POPDC1: variants seen among roughly 807,000 people sequenced by gnomAD.
POPDC1 encodes the protein popeye domain cAMP effector 1.
At chr6:105,113,169 C>T in the POPDC1 span, among the ~76,000 whole-genome samples, 2 of 151,944 alleles carry the variant, frequency 1.3e-5, no homozygotes, top group Non-Finnish European at 2.9e-5. Context: ...TGGGCTCAAG[C>T]GATCCTCCAG....
At chr6:105,122,498 A>G in the POPDC1 span, among the ~76,000 whole-genome samples, 1 of 152,198 alleles carries the variant, frequency 6.6e-6, no homozygotes, top group African/African-American at 2.4e-5. Flanking sequence ...TCCAGAAAAG[A>G]TAGTATATTA....
the POPDC1 span, among the ~76,000 whole-genome samples, chr6:105,101,935 C>T: frequency 6.6e-6 from 1 of 152,178 alleles, no homozygotes; most frequent in Admixed American, 6.5e-5. Context: ...TAATGGATAC[C>T]ATGCTTGATG....
At chr6:105,115,928 A>T in the POPDC1 span, 4 of 1,158,396 alleles carry the variant, frequency 3.5e-6, no homozygotes, top group Middle Eastern at 3.1e-4. Flanking sequence ...TAGTGCATTT[A>T]AAAAAAAGAA....
At chr6:105,111,534 A>G in the POPDC1 span, among the ~76,000 whole-genome samples, 52 of 152,326 alleles carry the variant, frequency 3.4e-4, no homozygotes, top group African/African-American at 1.2e-3. Flanking sequence ...GCTATATTCC[A>G]TGTTTGCAAA....
chr6:105,115,331 G>A, the POPDC1 span, among the ~76,000 whole-genome samples: 3 of 151,852 alleles, frequency 2.0e-5, no homozygotes, highest in Admixed American at 6.6e-5. Context: ...CTCGTGATCC[G>A]CCCGCCTCAG....
the POPDC1 span, chr6:105,099,603 C>T: frequency 6.6e-6 from 1 of 152,176 alleles, no homozygotes; most frequent in Admixed American, 6.5e-5. Context: ...TTCCCACCAG[C>T]CAAATGCCAC....
At chr6:105,118,501 T>A in the POPDC1 span, among the ~76,000 whole-genome samples, 2 of 152,254 alleles carry the variant, frequency 1.3e-5, no homozygotes, top group African/African-American at 2.4e-5. Flanking sequence ...ATGCATGTAC[T>A]TTATGCTAGA....
chr6:105,113,831 T>TA, the POPDC1 span, among the ~76,000 whole-genome samples: 14 of 146,914 alleles, frequency 9.5e-5, 2 homozygotes, highest in Admixed American at 1.4e-4. Flanking sequence ...TTTTTTTTTT[T>TA]ATAGAGACAA....
At chr6:105,109,763 CA>C in the POPDC1 span, among the ~76,000 whole-genome samples, 1,940 of 22,868 alleles carry the variant, frequency 0.085, 190 homozygotes, top group East Asian at 0.31. Flanking sequence ...GACCCTTTCT[CA>C]AAAAAAAAAA....
At chr6:105,101,270 T>C in the POPDC1 span, 5 of 1,459,996 alleles carry the variant, frequency 3.4e-6, no homozygotes, top group Non-Finnish European at 4.5e-6. Context: ...CAGACCCTGG[T>C]GTGATATATC....
the POPDC1 span, among the ~76,000 whole-genome samples, chr6:105,119,920 T>C: frequency 1.3e-5 from 2 of 152,186 alleles, no homozygotes; most frequent in Non-Finnish European, 2.9e-5. Context: ...AGTATTCAAA[T>C]AATAAGCCGT....
chr6:105,115,323 C>T, the POPDC1 span, among the ~76,000 whole-genome samples: 11 of 152,266 alleles, frequency 7.2e-5, no homozygotes, highest in Admixed American at 3.9e-4. Context: ...CTCCTGACCT[C>T]GTGATCCGCC....
At chr6:105,100,953 C>T in the POPDC1 span, 36 of 1,034,662 alleles carry the variant, frequency 3.5e-5, no homozygotes, top group Non-Finnish European at 4.6e-5. Flanking sequence ...CTTGACCCTT[C>T]CTCACTTCCT....
chr6:105,133,691 T>C, the POPDC1 span: 1 of 767,758 alleles, frequency 1.3e-6, no homozygotes, highest in East Asian at 2.6e-5. Flanking sequence ...TTAAATAGAC[T>C]TCTCTAGTGC....
chr6:105,130,183 A>AT, the POPDC1 span, among the ~76,000 whole-genome samples: 2 of 152,226 alleles, frequency 1.3e-5, no homozygotes, highest in African/African-American at 4.8e-5. Context: ...GTTTTACCTG[A>AT]TGGCAAACCT....
the POPDC1 span, among the ~76,000 whole-genome samples, chr6:105,133,938 T>C: frequency 6.6e-6 from 1 of 152,166 alleles, no homozygotes; most frequent in Non-Finnish European, 1.5e-5. Flanking sequence ...ATCACCAATG[T>C]TCATAAACCA....
At chr6:105,111,265 C>T in the POPDC1 span, among the ~76,000 whole-genome samples, 123 of 152,272 alleles carry the variant, frequency 8.1e-4, no homozygotes, top group African/African-American at 2.8e-3. Context: ...CATATGTCTT[C>T]CTGTTACCAT....
the POPDC1 span, among the ~76,000 whole-genome samples, chr6:105,133,188 G>A: frequency 1.3e-5 from 2 of 152,170 alleles, no homozygotes; most frequent in Non-Finnish European, 2.9e-5. Context: ...GGCATGTGAA[G>A]GCCTATGCTC....
chr6:105,135,071 A>G, the POPDC1 span, among the ~76,000 whole-genome samples: 2 of 152,220 alleles, frequency 1.3e-5, no homozygotes, highest in Non-Finnish European at 2.9e-5. Flanking sequence ...CTACCCTAGC[A>G]TTACATAGGT....
Sources: allele counts gnomAD v4.1 joint callset (sites outside exome capture counted in the v4.1 genomes callset), GRCh38; gene constraint gnomAD v4.1.1; transcripts MANE v1.5; gene names NCBI Gene and HGNC (gene_info 2026-07-23, HGNC 2026-07-21).